ZG16B: variants seen among roughly 807,000 people sequenced by gnomAD.
ZG16B encodes the protein zymogen granule protein 16B.
A neutral mutation model predicts 7.0 loss-of-function variants in ZG16B; 8 were observed. The ratio of observed to expected loss-of-function variants is 1.15; its 90% confidence interval spans 0.68 to 2.08. The LOEUF (loss-of-function observed/expected upper bound fraction) is 2.08, where lower values mean the gene tolerates loss of function less well. Ranked by LOEUF, ZG16B falls within the 30% of genes most tolerant of loss-of-function variation. The pLI, the probability that ZG16B is intolerant of heterozygous loss-of-function variation, is 0.00. For synonymous variants in ZG16B, 92 were observed against 86.1 expected (o/e 1.07, Z -0.38); for missense variants, 232 against 211.0 (o/e 1.10, Z -0.62).
chr16:2,830,901 AT>A (rs1567280655), intron 3 of ZG16B, 105 bp downstream of exon 3: 1 of 1,138,662 alleles, frequency 8.8e-7, no homozygotes, highest in East Asian at 2.4e-5. Context: ...TTTGCCACAC[AT>A]GCCTGGCTAC....
Position 2,831,850 on chromosome 16 carries a change from G to C in ZG16B, c.210G>C (p.Gly70=). Residue 70 remains glycine (G), a synonymous_variant, in exon 4 of 4, where the codon GGG becomes GGC. Transcript: ENST00000382280. The part of the protein sequence containing the change: ...SWDVKLGALG[G]NTQEVTLQPG... ...ACGTGAAACTGGGAGCCTTAGGTGG[G>C]AATACCCAGGAAGTCACCCTGCAGC... The C allele has an allele frequency of 6.2e-7, 1 of 1,614,030 alleles. No individual in the cohort carries two copies. Among genetic ancestry groups the C allele is most frequent in the Non-Finnish European group, 8.5e-7 (1 of 1,179,988 alleles).
intron 2 of ZG16B, 49 bp from the exon 3 acceptor site, chr16:2,830,645 A>C: frequency 6.2e-7 from 1 of 1,610,394 alleles, no homozygotes; most frequent in Non-Finnish European, 8.5e-7. Context: ...GGTCACCCCC[A>C]TATCACCGCA....
chr16:2,831,796 T>C lies in ZG16B; in HGVS notation c.156T>C (p.Ser52=). 1 of 1,609,386 alleles carries C rather than the reference T, an allele frequency of 6.2e-7. No individual in the cohort carries two copies. The highest frequency in any genetic ancestry group is 8.5e-7 in the Non-Finnish European group (1 of 1,177,090). ...RVSVGLLLVK[S]VQVKLGDSWD... ...GTCCAAAGCTTTGCCTCTCTCCCAG[T>C]GTCCAGGTGAAACTTGGAGACTCCT... Residue 52 remains serine, a splice_region_variant and synonymous_variant, in exon 4 of 4, where the codon AGT becomes AGC. Transcript: ENST00000382280.
rs757617625 is a variant in ZG16B at position 2,831,796 on chromosome 16, T to G, written c.156T>G (p.Ser52Arg). 1.4e-5 allele frequency: 23 copies of G among 1,609,268 alleles called. No homozygotes were observed. The highest frequency in any genetic ancestry group is 2.0e-5 in the Non-Finnish European group (23 of 1,177,098). The part of the protein sequence containing the change: ...RVSVGLLLVK[S>R]VQVKLGDSWD... ...GTCCAAAGCTTTGCCTCTCTCCCAGTGTCCAGGTGAAACTTGGAGACTCCT... is the reference window on the plus strand; with the variant it reads ...GTCCAAAGCTTTGCCTCTCTCCCAGGGTCCAGGTGAAACTTGGAGACTCCT... Residue 52 changes from serine to arginine, a missense_variant and splice_region_variant, in exon 4 of 4, where the codon AGT becomes AGG. Ser to Arg is a moderately radical substitution (Grantham distance 110, BLOSUM62 -1). Coordinates refer to ENST00000382280, the MANE Select transcript of ZG16B (RefSeq NM_145252.3).
chr16:2,831,193 T>C, intron 3 of ZG16B: 1 of 196,198 alleles, frequency 5.1e-6, no homozygotes, highest in Non-Finnish European at 1.1e-5. Context: ...CTGCTGGAGG[T>C]CTGGGATGGA....
In ZG16B at chr16:2,831,848, G is replaced by A. The variant is rs1219610312; in HGVS notation, c.208G>A (p.Gly70Arg). ...SWDVKLGALGGNTQEVTLQPG... is the reference protein window; with the variant it reads ...SWDVKLGALGRNTQEVTLQPG... The stretch of plus-strand genomic sequence containing the variant: ...GGACGTGAAACTGGGAGCCTTAGGT[G>A]GGAATACCCAGGAAGTCACCCTGCA... Residue 70 changes from glycine (G) to arginine (R), a missense_variant, in exon 4 of 4, where the codon GGG (glycine) becomes AGG (arginine). By Grantham distance (125) the Gly-to-Arg change is moderately radical (BLOSUM62 -2). Coordinates refer to ENST00000382280, the MANE Select transcript of ZG16B (RefSeq NM_145252.3). 3 of 1,613,910 alleles carry A rather than the reference G, an allele frequency of 1.9e-6. No homozygotes were observed. Among genetic ancestry groups the A allele is most frequent in the Non-Finnish European group, 1.7e-6 (2 of 1,180,000 alleles).
In ZG16B at chr16:2,830,334, G is replaced by A; in HGVS notation, c.-28+6G>A. ...GACGCCCAGTCACAGGCGAGGTAAG[G>A]TGCTTGGCTCCATGGGTGGGGCCCG... On this transcript the variant is annotated splice_donor_region_variant and intron_variant, in intron 1 of 3. Transcript: ENST00000382280. The A allele has an allele frequency of 6.2e-7, 1 of 1,612,996 alleles. No individual in the cohort carries two copies. Among genetic ancestry groups the A allele is most frequent in the South Asian group, 1.1e-5 (1 of 90,832 alleles).
Position 2,831,963 on chromosome 16 carries a change from A to G in ZG16B, c.323A>G (p.Tyr108Cys). ...VMYTSKDRYF[Y>C]FGKLDGQISS... ...TACACCAGCAAGGACCGCTATTTCT[A>G]TTTTGGGAAGCTTGATGGCCAGATC... The change falls in exon 4 of 4, where the codon TAT becomes TGT. Residue 108 changes from tyrosine to cysteine, a missense_variant. Physicochemically the swap from Tyr to Cys is radical, Grantham distance 194. Transcript: ENST00000382280. 1.9e-6 allele frequency: 3 copies of G among 1,614,056 alleles called. No individual in the cohort carries two copies. The highest frequency in any genetic ancestry group is 2.2e-5 in the South Asian group (2 of 91,070).
rs747014055 is a variant in ZG16B at position 2,830,756 on chromosome 16, A to T, written c.115A>T (p.Thr39Ser). ...STTEDYDHEITGLRVSVGLLL... is the reference protein window; with the variant it reads ...STTEDYDHEISGLRVSVGLLL... ...CACTGAAGACTACGACCATGAAATC[A>T]CAGGGCTGCGGGTGTCTGTAGGTCT... is the stretch of plus-strand genomic sequence containing the variant. The change falls in exon 3 of 4, where the codon ACA becomes TCA. Residue 39 changes from threonine to serine, a missense_variant. Thr to Ser is a moderately conservative substitution (Grantham distance 58). Coordinates refer to ENST00000382280, the MANE Select transcript of ZG16B (RefSeq NM_145252.3). 1.2e-6 allele frequency: 2 copies of T among 1,614,210 alleles called. No homozygotes were observed. Among genetic ancestry groups the T allele is most frequent in the South Asian group, 2.2e-5 (2 of 91,084 alleles).
Position 2,830,500 on chromosome 16 carries a change from C to T in ZG16B, c.52+7C>T. ...GGCCCCACCTGGGCAGGGAGTAAGT[C>T]AGTGGGGTCTGCCCTCAATCTCCCC... On this transcript the variant is annotated splice_region_variant and intron_variant, in intron 2 of 3. Coordinates refer to ENST00000382280, the MANE Select transcript of ZG16B (RefSeq NM_145252.3). 3 of 1,595,946 alleles carry T rather than the reference C, an allele frequency of 1.9e-6. 1 individual carries two copies. Among genetic ancestry groups the T allele is most frequent in the Middle Eastern group, 1.7e-4 (1 of 5,810 alleles).
Position 2,831,287 on chromosome 16 carries a change from C to T in ZG16B, c.155+491C>T, listed in dbSNP as rs147146932. The T allele has an allele frequency of 3.6e-3, 671 of 187,736 alleles. 1 individual carries two copies. Among genetic ancestry groups the T allele is most frequent in the African/African-American group, 0.015 (634 of 42,268 alleles). The allele number at this position is 187,736 out of a possible 1,614,324, so 11.6% of individuals were successfully genotyped here. On this transcript the variant is annotated intron_variant, in intron 3 of 3. Coordinates refer to ENST00000382280, the MANE Select transcript of ZG16B (RefSeq NM_145252.3). ...CAGAGGAGACAGAGTGTGGGCGGGG[C>T]GAGCCGGAGGGGTGCATCCTGGGAG...
Position 2,830,763 on chromosome 16 carries a change from T to G in ZG16B, c.122T>G (p.Leu41Arg), listed in dbSNP as rs781206036. 3 of 1,614,172 alleles carry G rather than the reference T, an allele frequency of 1.9e-6. No homozygotes were observed. Among genetic ancestry groups the G allele is most frequent in the Non-Finnish European group, 2.5e-6 (3 of 1,180,028 alleles). Residue 41 changes from leucine (L) to arginine (R), a missense_variant, in exon 3 of 4, where the codon CTG becomes CGG. Transcript: ENST00000382280. ...GACTACGACCATGAAATCACAGGGC[T>G]GCGGGTGTCTGTAGGTCTTCTCCTG... is the stretch of plus-strand genomic sequence containing the variant. ...TEDYDHEITG[L>R]RVSVGLLLVK...
In ZG16B at chr16:2,830,471, G is replaced by T; in HGVS notation, c.30G>T (p.Leu10=). The change falls in exon 2 of 4, where the codon CTG becomes CTT. Residue 10 remains leucine, a synonymous_variant. Coordinates refer to ENST00000382280, the MANE Select transcript of ZG16B (RefSeq NM_145252.3). ...TGCTGCTGCTCACGCTTGCCCTCCTGGGGGGCCCCACCTGGGCAGGGAGTA... is the reference window on the plus strand; with the variant it reads ...TGCTGCTGCTCACGCTTGCCCTCCTTGGGGGCCCCACCTGGGCAGGGAGTA... MLLLLTLAL[L]GGPTWAGKMY... The T allele has an allele frequency of 6.3e-7, 1 of 1,599,308 alleles. No individual in the cohort carries two copies. The highest frequency in any genetic ancestry group is 1.1e-5 in the South Asian group (1 of 89,462).
intron 1 of ZG16B, 24 bp downstream of exon 1, chr16:2,830,352 G>T (rs1231567889): frequency 1.2e-6 from 2 of 1,610,852 alleles, no homozygotes; most frequent in Non-Finnish European, 1.7e-6. Flanking sequence ...CTCCATGGGT[G>T]GGGCCCGGCA....
chr16:2,830,400 C>G lies in ZG16B; in HGVS notation c.-27-15C>G, dbSNP rs1260670848. The G allele has an allele frequency of 6.2e-7, 1 of 1,604,932 alleles. No homozygotes were observed. Among genetic ancestry groups the G allele is most frequent in the African/African-American group, 1.3e-5 (1 of 74,896 alleles). On this transcript the variant is annotated splice_polypyrimidine_tract_variant and intron_variant, in intron 1 of 3. Transcript: ENST00000382280. ...CCCTTGCTTTGGAGTCAGGAGGCCTCTCTTCTTCCCACAGAGCCCTGGGAT... is the reference window on the plus strand; with the variant it reads ...CCCTTGCTTTGGAGTCAGGAGGCCTGTCTTCTTCCCACAGAGCCCTGGGAT...
Position 2,832,184 on chromosome 16 carries a change from T to G in ZG16B, c.*25T>G. On this transcript the variant is annotated 3_prime_UTR_variant, in exon 4 of 4. Coordinates refer to ENST00000382280, the MANE Select transcript of ZG16B (RefSeq NM_145252.3). ...GGGTGGGGTATGGGGCCATCCGAGC[T>G]GAGGCCATCTGGGTGGTGGTGGCTG... 6.3e-7 allele frequency: 1 copy of G among 1,598,694 alleles called. No homozygotes were observed. The highest frequency in any genetic ancestry group is 8.5e-7 in the Non-Finnish European group (1 of 1,169,860).
rs2069263025 is a variant in ZG16B, at chr16:2,832,265, G to C, written c.*106G>C. ...GAATCTGAATCCACCAATAAATAAAGGTTCTGCAGAATCAGTGCATCCAGG... is the reference window on the plus strand; with the variant it reads ...GAATCTGAATCCACCAATAAATAAACGTTCTGCAGAATCAGTGCATCCAGG... On this transcript the variant is annotated 3_prime_UTR_variant, in exon 4 of 4. Transcript: ENST00000382280. 2 of 1,495,940 alleles carry C rather than the reference G, an allele frequency of 1.3e-6. No individual in the cohort carries two copies. The highest frequency in any genetic ancestry group is 2.8e-5 in the African/African-American group (2 of 71,560). 92.7% of individuals were successfully genotyped at this position (1,495,940 alleles called of 1,614,324 possible). A position where few individuals can be genotyped will look rare whatever the true frequency, so the allele number is the denominator to read the frequency against.
Position 2,831,840 on chromosome 16 carries a change from C to A in ZG16B, c.200C>A (p.Ala67Asp). 1.9e-6 allele frequency: 3 copies of A among 1,613,952 alleles called. No individual in the cohort carries two copies. The highest frequency in any genetic ancestry group is 2.2e-5 in the East Asian group (1 of 44,876). Residue 67 changes from alanine to aspartate, a missense_variant, in exon 4 of 4, where the codon GCC becomes GAC. Ala to Asp is a moderately radical substitution (Grantham distance 126). Coordinates refer to ENST00000382280, the MANE Select transcript of ZG16B (RefSeq NM_145252.3). ...LGDSWDVKLG[A>D]LGGNTQEVTL... is the part of the protein sequence containing the mutation. ...GACTCCTGGGACGTGAAACTGGGAG[C>A]CTTAGGTGGGAATACCCAGGAAGTC...
In ZG16B at chr16:2,831,867, C is replaced by G; in HGVS notation, c.227C>G (p.Thr76Ser). The stretch of plus-strand genomic sequence containing the variant: ...TTAGGTGGGAATACCCAGGAAGTCA[C>G]CCTGCAGCCAGGCGAATACATCACA... ...GALGGNTQEVTLQPGEYITKV... is the reference protein window; with the variant it reads ...GALGGNTQEVSLQPGEYITKV... The change falls in exon 4 of 4, where the codon ACC becomes AGC. Residue 76 changes from threonine (T) to serine (S), a missense_variant. Physicochemically the swap from Thr to Ser is moderately conservative, Grantham distance 58. Transcript: ENST00000382280. 4 of 1,614,138 alleles carry G rather than the reference C, an allele frequency of 2.5e-6. No individual in the cohort carries two copies. Among genetic ancestry groups the G allele is most frequent in the Non-Finnish European group, 3.4e-6 (4 of 1,180,024 alleles).
Sources: allele counts gnomAD v4.1 joint callset, GRCh38; gene constraint gnomAD v4.1.1; transcripts MANE v1.5; gene names NCBI Gene and HGNC (gene_info 2026-07-23, HGNC 2026-07-21).